The following PXDN variants were observed in gnomAD, a reference collection of about 807,000 sequenced individuals.
PXDN encodes the protein peroxidasin, also known as peroxidasin homolog.
PXDN carries 77 observed loss-of-function variants against 140.3 expected under a neutral mutation model. The ratio of observed to expected loss-of-function variants is 0.55; its 90% CI spans 0.46 to 0.66. The LOEUF (loss-of-function observed/expected upper bound fraction) is 0.66, where lower values mean the gene tolerates loss of function less well. Ranked by LOEUF, PXDN falls within the 30% of genes least tolerant of loss-of-function variation. The probability of loss-of-function intolerance (pLI) is 0.00; values close to 1 mark genes in which losing one functional copy is unlikely to be tolerated. For missense variants in PXDN, 1,838 were observed against 2,039.5 expected (o/e 0.90, Z 1.90); for synonymous variants, 911 against 857.4 (o/e 1.06, Z -1.09).
chr2:1,741,432 C>G (rs12992568), intron 1 of PXDN, among the ~76,000 whole-genome samples: 1 of 151,730 alleles, frequency 6.6e-6, no homozygotes, highest in Admixed American at 6.6e-5. Context: ...GCACAGGGCG[C>G]GGGCTCCTGC....
chr2:1,738,184 T>A (rs527370336), intron 1 of PXDN, among the ~76,000 whole-genome samples: 2 of 151,992 alleles, frequency 1.3e-5, no homozygotes, highest in East Asian at 3.9e-4. Flanking sequence ...ATAAATCACA[T>A]TTTCTTCTGA....
chr2:1,743,940 C>G (rs1476143238), intron 1 of PXDN, among the ~76,000 whole-genome samples: 1 of 151,674 alleles, frequency 6.6e-6, no homozygotes, highest in South Asian at 2.1e-4. Flanking sequence ...GGGGGAGCCC[C>G]GGAGGCTCCA....
rs1055879364 is a variant in PXDN at position 1,714,750 on chromosome 2, G to C, written c.201-21616C>G. ...AGCATGAAATATTTACTCTTCTTTT[G>C]ATTTTTTTCAGACATTTAGAAATGC... On this transcript the variant is annotated intron_variant, in intron 1 of 22. Transcript: ENST00000252804. This position sits in a 1 kb window ranked among gnomAD's most constrained non-coding sequence, Gnocchi z 4.3. Among the ~76,000 whole-genome samples the C allele has an allele frequency of 8.5e-5, 13 of 152,144 alleles. No homozygotes were observed. Among genetic ancestry groups the C allele is most frequent in the Non-Finnish European group, 1.9e-4 (13 of 68,020 alleles).
chr2:1,724,930 T>C (rs943922786), intron 1 of PXDN, among the ~76,000 whole-genome samples: 8 of 152,194 alleles, frequency 5.3e-5, no homozygotes, highest in East Asian at 3.9e-4. Context: ...AAGAATTGCA[T>C]TGAATGTAAA....
At chr2:1,637,096 G>A (rs1319133503) in intron 21 of PXDN, 1 of 152,374 alleles carries the variant, frequency 6.6e-6, no homozygotes, top group Non-Finnish European at 1.5e-5. Context: ...GGCATAGGGC[G>A]TTGGTATTTG....
At chr2:1,709,379 T>G (rs2125466835) in intron 1 of PXDN, among the ~76,000 whole-genome samples, 1 of 152,044 alleles carries the variant, frequency 6.6e-6, no homozygotes, top group Admixed American at 6.5e-5. Flanking sequence ...GTGTGTGGTG[T>G]TTGCTGAATG....
At chr2:1,655,466 C>T (rs1683110223) in intron 14 of PXDN, among the ~76,000 whole-genome samples, 1 of 151,548 alleles carries the variant, frequency 6.6e-6, no homozygotes, top group African/African-American at 2.4e-5. Context: ...ACACAAATCA[C>T]ATTGCACAAA....
intron 9 of PXDN, among the ~76,000 whole-genome samples, chr2:1,671,247 T>C (rs894238733): frequency 1.1e-4 from 17 of 152,192 alleles, no homozygotes; most frequent in Non-Finnish European, 1.9e-4. Context: ...TCCAAACAAG[T>C]AGTGGGGAGC....
intron 1 of PXDN, among the ~76,000 whole-genome samples, chr2:1,730,344 A>C (rs1685284422): frequency 6.6e-6 from 1 of 152,234 alleles, no homozygotes; most frequent in East Asian, 1.9e-4. Flanking sequence ...CCCTTGTGGC[A>C]AACAGGCCTG....
intron 1 of PXDN, among the ~76,000 whole-genome samples, chr2:1,694,267 T>A (rs879530138): frequency 8.5e-5 from 13 of 152,144 alleles, no homozygotes; most frequent in Admixed American, 1.3e-4. Flanking sequence ...GACATTAGGG[T>A]ATGATAACAT....
At position 1,660,891 on chromosome 2, in the gene PXDN, G is replaced by A. The variant is rs202108023; in HGVS notation, c.1827C>T (p.Leu609=). ...CATGTGGCATCTTACCATTCACACT[G>A]AGCACCATGCTCACCGAGGCCGACC... The part of the protein sequence containing the change: ...TIGSASVSMV[L]SVNVPDVSRN... The change falls in exon 14 of 23, where the codon CTC becomes CTT. Residue 609 remains leucine (L), a synonymous_variant. Coordinates refer to ENST00000252804, the MANE Select transcript of PXDN (RefSeq NM_012293.3). This position sits in a 1 kb window ranked among gnomAD's most constrained non-coding sequence, Gnocchi z 4.6. 165 of 1,611,848 alleles carry A rather than the reference G, an allele frequency of 1.0e-4. No homozygotes were observed. Among genetic ancestry groups the A allele is most frequent in the Admixed American group, 5.0e-4 (30 of 59,950 alleles).
rs755976833 is a variant in PXDN, at chr2:1,685,093, C to T, written c.417-942G>A. Among the ~76,000 whole-genome samples the T allele has an allele frequency of 3.3e-5, 5 of 152,258 alleles. No individual in the cohort carries two copies. Among genetic ancestry groups the T allele is most frequent in the Non-Finnish European group, 5.9e-5 (4 of 68,040 alleles). On this transcript the variant is annotated intron_variant, in intron 4 of 22. Transcript: ENST00000252804. This position sits in a 1 kb window ranked among gnomAD's most constrained non-coding sequence, Gnocchi z 5.1. The stretch of plus-strand genomic sequence containing the variant: ...CAGGTCTGTGGACATCCTGAGATCA[C>T]CGTCACCACCAGGGCACCAGAGTGC...
intron 18 of PXDN, 30 bp downstream of exon 18, chr2:1,644,588 C>CGT (rs1558486151): frequency 6.4e-7 from 1 of 1,560,508 alleles, no homozygotes; most frequent in Admixed American, 1.8e-5. Context: ...GGCTTAGGAG[C>CGT]GTGCTCCCCT....
Position 1,649,601 on chromosome 2 carries a change from G to A in PXDN, c.2179C>T (p.Arg727Trp), listed in dbSNP as rs757118206. Residue 727 changes from arginine (R) to tryptophan (W), a missense_variant, in exon 17 of 23, where the codon CGG becomes TGG. Around this residue, in one of 5 missense-constraint regions of PXDN, gnomAD observed 537 missense variants for 583.9 expected, o/e 0.92. Coordinates refer to ENST00000252804, the MANE Select transcript of PXDN (RefSeq NM_012293.3). This position sits in a 1 kb window ranked among gnomAD's most constrained non-coding sequence, Gnocchi z 7.1. ...IANLSGCTAHRRVNNCSDMCF... is the reference protein window; with the variant it reads ...IANLSGCTAHWRVNNCSDMCF... Reference sequence around the variant, plus strand: ...ATGTCCGAGCAGTTGTTCACGCGCCGGTGGGCGGTACAGCCCGACAGGTTT... The same window carrying A: ...ATGTCCGAGCAGTTGTTCACGCGCCAGTGGGCGGTACAGCCCGACAGGTTT... 3.1e-6 allele frequency: 5 copies of A among 1,614,032 alleles called. No individual in the cohort carries two copies. The highest frequency in any genetic ancestry group is 3.4e-6 in the Non-Finnish European group (4 of 1,179,886).
intron 15 of PXDN, 25 bp downstream of exon 15, chr2:1,654,375 C>T: frequency 6.5e-7 from 1 of 1,533,528 alleles, no homozygotes; most frequent in Non-Finnish European, 9.0e-7. Flanking sequence ...ATTTGAGGGT[C>T]AGCGTGTTTA....
chr2:1,654,861 C>T (rs1477973275), intron 14 of PXDN, among the ~76,000 whole-genome samples: 1 of 152,206 alleles, frequency 6.6e-6, no homozygotes, highest in East Asian at 1.9e-4. Context: ...TGTGGAGACA[C>T]CTCAGTGTCC....
At chr2:1,699,549 A>C (rs1187869004) in intron 1 of PXDN, among the ~76,000 whole-genome samples, 2 of 152,116 alleles carry the variant, frequency 1.3e-5, no homozygotes, top group African/African-American at 4.8e-5. Flanking sequence ...TTTCTATTAA[A>C]AATACAAAAA....
intron 15 of PXDN, 153 bp from the exon 16 acceptor site, chr2:1,653,938 CAACAAAACAAA>C: frequency 2.2e-6 from 2 of 900,686 alleles, no homozygotes; most frequent in Non-Finnish European, 1.6e-6. Flanking sequence ...AAGTGGGAGG[CAACAAAACAAA>C]AACAAAACAA....
intron 21 of PXDN, among the ~76,000 whole-genome samples, chr2:1,637,716 TG>T (rs1682603180): frequency 8.3e-6 from 1 of 120,860 alleles, no homozygotes; most frequent in African/African-American, 3.3e-5. Flanking sequence ...GACAGCTGCC[TG>T]GGGGATGTAC....
Sources: allele counts gnomAD v4.1 joint callset (sites outside exome capture counted in the v4.1 genomes callset), GRCh38; gene constraint gnomAD v4.1.1; regional missense constraint gnomAD v4.1.1; non-coding constraint Gnocchi (gnomAD v3.1); transcripts MANE v1.5; gene names NCBI Gene and HGNC (gene_info 2026-07-23, HGNC 2026-07-21).